CDH13: variants seen among roughly 807,000 people sequenced by gnomAD.
CDH13 encodes cadherin 13.
CDH13 carries 24 observed loss-of-function variants against 63.8 expected under a neutral mutation model. The observed-to-expected ratio is 0.38, with a 90% confidence interval of 0.27 to 0.53. The LOEUF is 0.53. Among genes scored for constraint, CDH13 ranks in the 20% least tolerant of loss-of-function variants. CDH13 has a pLI of 0.85. For synonymous variants in CDH13, 503 were observed against 355.3 expected (o/e 1.42, Z -4.67); for missense variants, 1,049 against 903.1 (o/e 1.16, Z -2.07).
chr16:83,459,909 CA>C (rs2073131161), intron 6 of CDH13, among the ~76,000 whole-genome samples: 1 of 152,142 alleles, frequency 6.6e-6, no homozygotes, highest in Non-Finnish European at 1.5e-5. Flanking sequence ...ACATAGATTT[CA>C]GTCTGATATG....
intron 10 of CDH13, among the ~76,000 whole-genome samples, chr16:83,680,880 C>T (rs757456555): frequency 1.3e-5 from 2 of 152,010 alleles, no homozygotes; most frequent in African/African-American, 2.4e-5. Context: ...TTCAGGTGCT[C>T]AGAACATATT....
chr16:82,680,014 T>C, intron 1 of CDH13, among the ~76,000 whole-genome samples: 1 of 152,180 alleles, frequency 6.6e-6, no homozygotes. Flanking sequence ...CGGGTCTTCT[T>C]TGGAATGGAG....
rs1043383313 is a variant in CDH13 at position 83,798,714 on chromosome 16, T to C, written c.*3684T>C. On this transcript the variant is annotated 3_prime_UTR_variant, in exon 14 of 14. Transcript: ENST00000567109. ...GGAAGACCCTCGTTTGAAGCCTCCA[T>C]TAGCGTGACTATGCAGCTAGACCAA... The C allele has an allele frequency of 1.3e-5, 2 of 152,176 alleles. No homozygotes were observed. Among genetic ancestry groups the C allele is most frequent in the African/African-American group, 4.8e-5 (2 of 41,438 alleles). 9.4% of individuals were successfully genotyped at this position (152,176 alleles called of 1,614,324 possible).
intron 10 of CDH13, chr16:83,717,861 T>C (rs376436366): frequency 6.6e-6 from 1 of 152,210 alleles, no homozygotes; most frequent in Non-Finnish European, 1.5e-5. Context: ...GCAAACCCCA[T>C]TCAGTTCCTA....
intron 4 of CDH13, among the ~76,000 whole-genome samples, chr16:83,131,282 C>G (rs367688982): frequency 1.4e-5 from 2 of 139,774 alleles, no homozygotes; most frequent in African/African-American, 2.7e-5. Flanking sequence ...ATTTCTGGCT[C>G]TTTTCCATGG....
intron 2 of CDH13, among the ~76,000 whole-genome samples, chr16:82,893,937 C>G (rs934021010): frequency 2.6e-5 from 4 of 152,168 alleles, no homozygotes; most frequent in African/African-American, 9.7e-5. Flanking sequence ...CAGTAACCTC[C>G]CACATGTTTT....
chr16:83,340,710 TTGAATAGC>T (rs1276562798), intron 5 of CDH13, among the ~76,000 whole-genome samples: 1 of 152,138 alleles, frequency 6.6e-6, no homozygotes, highest in Non-Finnish European at 1.5e-5. Flanking sequence ...AGACTGACCT[TTGAATAGC>T]AAGGTACTAG....
intron 1 of CDH13, among the ~76,000 whole-genome samples, chr16:82,749,903 G>GA (rs1247853703): frequency 6.6e-6 from 1 of 151,948 alleles, no homozygotes; most frequent in Non-Finnish European, 1.5e-5. Context: ...CTGAATGAAA[G>GA]AAAAAAATGT....
rs1170473076 is a variant in CDH13, at chr16:83,255,492, G to C, written c.636+37995G>C. On this transcript the variant is annotated intron_variant, in intron 5 of 13. Transcript: ENST00000567109. ...TTTGGCACTTACTCCACATGAGAAC[G>C]TCCCTACCATGATGTCCAGTAAAGA... Among the ~76,000 whole-genome samples the C allele has an allele frequency of 2.6e-5, 4 of 152,256 alleles. No homozygotes were observed. In the East Asian group the frequency reaches 7.7e-4, roughly 29 times the overall value.
Position 83,295,203 on chromosome 16 carries a change from T to C in CDH13, c.637-49659T>C, listed in dbSNP as rs149856360. On this transcript the variant is annotated intron_variant, in intron 5 of 13. Coordinates refer to ENST00000567109, the MANE Select transcript of CDH13 (RefSeq NM_001257.5). The stretch of plus-strand genomic sequence containing the variant: ...GCAGAAGAATGAAATTGGACTCCTA[T>C]CTGACACCATATATAAAAATCAACT... Among the ~76,000 whole-genome samples the C allele has an allele frequency of 3.3e-3, 505 of 152,256 alleles. 2 individuals carry two copies. The highest frequency in any genetic ancestry group is 5.4e-3 in the South Asian group (26 of 4,820).
At chr16:83,431,190 GC>G (rs1448912568) in intron 6 of CDH13, among the ~76,000 whole-genome samples, 1 of 151,694 alleles carries the variant, frequency 6.6e-6, no homozygotes, top group Non-Finnish European at 1.5e-5. Flanking sequence ...GTGTATATGT[GC>G]CACATTTTCT....
In CDH13 at chr16:83,777,663, G is replaced by A. The variant is rs764718842; in HGVS notation, c.1682-2305G>A. ...GCCCACGCCTGCTTCTACTGTCTAA[G>A]TAATAAGCTGTCTGCATCTAAAGAG... On this transcript the variant is annotated intron_variant, in intron 11 of 13. Coordinates refer to ENST00000567109, the MANE Select transcript of CDH13 (RefSeq NM_001257.5). 2.0e-5 allele frequency among the ~76,000 whole-genome samples: 3 copies of A among 152,344 alleles called. 1 individual carries two copies. Among genetic ancestry groups the A allele is most frequent in the South Asian group, 4.1e-4 (2 of 4,830 alleles).
intron 1 of CDH13, among the ~76,000 whole-genome samples, chr16:82,677,320 C>G (rs190903474): frequency 5.9e-5 from 9 of 152,282 alleles, no homozygotes; most frequent in African/African-American, 2.2e-4. Flanking sequence ...CTTATTCCCT[C>G]TTCTGTTTTA....
intron 10 of CDH13, among the ~76,000 whole-genome samples, chr16:83,736,822 A>C (rs1911582281): frequency 6.6e-6 from 1 of 152,198 alleles, no homozygotes; most frequent in South Asian, 2.1e-4. Context: ...GGTAAATTCT[A>C]ACAAAGAATT....
At chr16:82,981,619 C>A (rs562123139) in intron 2 of CDH13, among the ~76,000 whole-genome samples, 1 of 152,170 alleles carries the variant, frequency 6.6e-6, no homozygotes, top group Non-Finnish European at 1.5e-5. Context: ...AGGTGTTCTC[C>A]TTCCTTCTTT....
intron 2 of CDH13, among the ~76,000 whole-genome samples, chr16:82,872,300 A>C (rs776928099): frequency 6.6e-6 from 1 of 152,214 alleles, no homozygotes; most frequent in Non-Finnish European, 1.5e-5. Context: ...AATTAAGACT[A>C]TCAAATTCTA....
At chr16:83,766,461 T>C (rs1442352093) in intron 11 of CDH13, among the ~76,000 whole-genome samples, 2 of 152,358 alleles carry the variant, frequency 1.3e-5, no homozygotes, top group East Asian at 3.9e-4. Flanking sequence ...ATGGGCTTCC[T>C]GTTTTCCCTG....
chr16:83,383,394 A>T (rs1301774694), intron 6 of CDH13, among the ~76,000 whole-genome samples: 3 of 152,196 alleles, frequency 2.0e-5, no homozygotes, highest in African/African-American at 7.2e-5. Context: ...ATTCCAGATC[A>T]TCGATCTTGT....
At chr16:83,191,458 AATATATATATAT>A (rs57044100) in intron 4 of CDH13, among the ~76,000 whole-genome samples, 1,871 of 80,578 alleles carry the variant, frequency 0.023, 30 homozygotes, top group Middle Eastern at 0.075. Context: ...ACTAATAGGA[AATATATATATAT>A]ATATATATAT....
Sources: allele counts gnomAD v4.1 joint callset (sites outside exome capture counted in the v4.1 genomes callset), GRCh38; gene constraint gnomAD v4.1.1; transcripts MANE v1.5; gene names NCBI Gene and HGNC (gene_info 2026-07-23, HGNC 2026-07-21).